Variants in SCHIP1 observed in about 807,000 individuals in gnomAD.
SCHIP1 encodes schwannomin-interacting protein 1.
In SCHIP1, 8 loss-of-function variants were observed where a neutral mutation model predicts 29.7. The observed-to-expected ratio is 0.27, with a 90% CI of 0.16 to 0.49. The LOEUF (loss-of-function observed/expected upper bound fraction) is 0.49. SCHIP1 is among the 20% of genes least tolerant of loss of function. The pLI is 0.99. For synonymous variants in SCHIP1, 76 were observed against 94.9 expected (o/e 0.80, Z 1.16); for missense variants, 193 against 294.6 (o/e 0.66, Z 2.52).
intron 6 of SCHIP1, chr3:159,893,234 G>T (rs975350489): frequency 6.6e-6 from 1 of 152,116 alleles, no homozygotes; most frequent in Non-Finnish European, 1.5e-5. Context: ...AAGACTTACG[G>T]GCAGCACTGT....
At chr3:159,398,359 G>A in the SCHIP1 span, among the ~76,000 whole-genome samples, 55 of 152,158 alleles carry the variant, frequency 3.6e-4, no homozygotes, top group African/African-American at 1.3e-3. Context: ...CCCCTCGCCA[G>A]CACTCTTTTT....
chr3:159,813,679 C>T, the SCHIP1 span, among the ~76,000 whole-genome samples: 150 of 149,724 alleles, frequency 1.0e-3, no homozygotes, highest in African/African-American at 3.5e-3. Context: ...CAGAGTGAGA[C>T]GCTATCTCAA....
the SCHIP1 span, among the ~76,000 whole-genome samples, chr3:159,415,416 C>T: frequency 6.7e-3 from 1,015 of 152,186 alleles, 10 homozygotes; most frequent in South Asian, 0.032. Context: ...GCCTAGTACC[C>T]AACAGTCATC....
At chr3:159,694,218 G>A in the SCHIP1 span, among the ~76,000 whole-genome samples, 2 of 148,052 alleles carry the variant, frequency 1.4e-5, no homozygotes, top group African/African-American at 2.6e-5. Flanking sequence ...AGGTGCGGTG[G>A]CTCATGCCTA....
chr3:159,571,529 G>A, the SCHIP1 span, among the ~76,000 whole-genome samples: 2 of 152,258 alleles, frequency 1.3e-5, no homozygotes, highest in East Asian at 3.9e-4. Flanking sequence ...GATTCGGTTT[G>A]CCAGTATTTT....
chr3:159,637,098 TTTGAAGTA>T, the SCHIP1 span, among the ~76,000 whole-genome samples: 1 of 152,180 alleles, frequency 6.6e-6, no homozygotes, highest in Non-Finnish European at 1.5e-5. Flanking sequence ...CAGTTGATCA[TTTGAAGTA>T]AATAGCAAAT....
In SCHIP1 at chr3:159,844,434, G is replaced by A. The variant is rs79572201; in HGVS notation, c.30+4220G>A. Among the ~76,000 whole-genome samples, 82 of 152,278 alleles carry A rather than the reference G, an allele frequency of 5.4e-4. No individual in the cohort carries two copies. In the East Asian group the frequency reaches 0.015, roughly 28 times the overall value. On this transcript the variant is annotated intron_variant, in intron 1 of 6. Transcript: ENST00000445224. ...TGTTTTTAAAACTGCTCACATCGTC[G>A]TCATCTTCATATACTTTTCTTCCTT...
chr3:159,571,890 C>T, the SCHIP1 span, among the ~76,000 whole-genome samples: 1 of 152,154 alleles, frequency 6.6e-6, no homozygotes, highest in Non-Finnish European at 1.5e-5. Context: ...TCCATTTCTT[C>T]TAGATTTTCT....
chr3:159,865,381 T>C (rs1714507646), intron 1 of SCHIP1, among the ~76,000 whole-genome samples: 1 of 152,194 alleles, frequency 6.6e-6, no homozygotes, highest in African/African-American at 2.4e-5. Flanking sequence ...TTATGGGGCG[T>C]TTAATGAGAA....
At chr3:159,292,258 A>C in the SCHIP1 span, among the ~76,000 whole-genome samples, 1 of 152,142 alleles carries the variant, frequency 6.6e-6, no homozygotes, top group Non-Finnish European at 1.5e-5. Flanking sequence ...AGAGATGTAA[A>C]GTATAAGAAA....
chr3:159,312,694 C>T, the SCHIP1 span, among the ~76,000 whole-genome samples: 1 of 152,094 alleles, frequency 6.6e-6, no homozygotes, highest in South Asian at 2.1e-4. Flanking sequence ...AAATCTGAAT[C>T]CCTGCGTGGA....
chr3:159,475,796 G>T, the SCHIP1 span, among the ~76,000 whole-genome samples: 1 of 152,138 alleles, frequency 6.6e-6, no homozygotes, highest in Non-Finnish European at 1.5e-5. Context: ...AGTCACTCCA[G>T]TTGGATATAA....
At chr3:159,550,072 T>TCTTAAGAAAATTAATTATCTTAAGATAC in the SCHIP1 span, among the ~76,000 whole-genome samples, 1 of 150,294 alleles carries the variant, frequency 6.7e-6, no homozygotes, top group Non-Finnish European at 1.5e-5. Flanking sequence ...TCTTAAGATA[T>TCTTAAGAAAATTAATTATCTTAAGATAC]CTTAAGAAAA....
chr3:159,537,876 TATAC>T, the SCHIP1 span, among the ~76,000 whole-genome samples: 2 of 152,068 alleles, frequency 1.3e-5, no homozygotes, highest in African/African-American at 2.4e-5. Flanking sequence ...TAGAAAAAAA[TATAC>T]ATAGTGTATT....
the SCHIP1 span, among the ~76,000 whole-genome samples, chr3:159,329,452 G>A: frequency 3.9e-5 from 6 of 152,254 alleles, no homozygotes; most frequent in East Asian, 1.2e-3. Context: ...AAGAGATGGG[G>A]CCTATAGGTA....
the SCHIP1 span, among the ~76,000 whole-genome samples, chr3:159,402,068 T>A: frequency 9.8e-3 from 1,496 of 151,932 alleles, 11 homozygotes; most frequent in Non-Finnish European, 0.013. Flanking sequence ...TACAATGAAC[T>A]CAAACAAATT....
At chr3:159,333,426 T>C in the SCHIP1 span, among the ~76,000 whole-genome samples, 1 of 152,136 alleles carries the variant, frequency 6.6e-6, no homozygotes, top group Non-Finnish European at 1.5e-5. Flanking sequence ...TTATAAGAAA[T>C]ACAATTGCTG....
At chr3:159,600,291 G>A in the SCHIP1 span, among the ~76,000 whole-genome samples, 1 of 152,106 alleles carries the variant, frequency 6.6e-6, no homozygotes, top group South Asian at 2.1e-4. Context: ...ATTTCATATT[G>A]TCTAATCCTT....
At chr3:159,582,629 A>T in the SCHIP1 span, among the ~76,000 whole-genome samples, 5 of 152,112 alleles carry the variant, frequency 3.3e-5, no homozygotes, top group African/African-American at 1.2e-4. Context: ...CACTTAATAG[A>T]CTGCAGTATA....
Sources: allele counts gnomAD v4.1 joint callset (sites outside exome capture counted in the v4.1 genomes callset), GRCh38; gene constraint gnomAD v4.1.1; transcripts MANE v1.5; gene names NCBI Gene and HGNC (gene_info 2026-07-23, HGNC 2026-07-21).